Variants in FAAH2 observed in about 807,000 individuals in gnomAD.
FAAH2 encodes the protein fatty-acid amide hydrolase 2.
Under a neutral mutation model 36.9 loss-of-function variants are expected in FAAH2, and 60 were observed. The ratio of observed to expected loss-of-function variants is 1.63; its 90% CI spans 1.32 to 2.02. The LOEUF (loss-of-function observed/expected upper bound fraction) is 2.02. Ranked by LOEUF, FAAH2 falls within the 30% of genes most tolerant of loss-of-function variation. The pLI is 0.00. For synonymous variants in FAAH2, 214 were observed against 143.8 expected (o/e 1.49, Z -3.49); for missense variants, 689 against 397.5 (o/e 1.73, Z -6.23).
intron 10 of FAAH2, among the ~76,000 whole-genome samples, chrX:57,468,709 C>A (rs746119487): frequency 9.0e-6 from 1 of 111,410 alleles, no homozygotes; most frequent in Non-Finnish European, 1.9e-5. Context: ...CCCAATCTAG[C>A]AAGGTAGGCC....
chrX:57,293,382 G>T (rs2052042573), intron 2 of FAAH2, among the ~76,000 whole-genome samples: 1 of 112,061 alleles, frequency 8.9e-6, no homozygotes, highest in Non-Finnish European at 1.9e-5. Context: ...ATATTTTAAT[G>T]AAATATAAGT....
At position 57,488,913 on chromosome X, in the gene FAAH2, T is replaced by G. The variant is rs745474180; in HGVS notation, c.1580T>G (p.Val527Gly). ...QYLEKTFGGWVCPGKF is the reference protein window; with the variant it reads ...QYLEKTFGGWGCPGKF ...TTGGAGAAAACTTTTGGGGGCTGGG[T>G]CTGTCCAGGAAAGTTTTAGGAGGAC... The change falls in exon 11 of 11, where the codon GTC (valine) becomes GGC (glycine). Residue 527 changes from valine (V) to glycine (G), a missense_variant. Coordinates refer to ENST00000374900, the MANE Select transcript of FAAH2 (RefSeq NM_174912.4). 8.3e-7 allele frequency: 1 copy of G among 1,210,430 alleles called. No individual in the cohort carries two copies. Among genetic ancestry groups the G allele is most frequent in the South Asian group, 1.8e-5 (1 of 56,779 alleles).
intron 5 of FAAH2, among the ~76,000 whole-genome samples, chrX:57,343,827 C>T (rs1320119460): frequency 9.0e-6 from 1 of 111,632 alleles, no homozygotes; most frequent in African/African-American, 3.3e-5. Context: ...TATTTTTCTG[C>T]ATATGGCTGG....
chrX:57,393,371 G>A (rs1296709938), intron 7 of FAAH2: 77 of 729,214 alleles, frequency 1.1e-4, no homozygotes, highest in South Asian at 3.4e-4. Context: ...CACCACGTGA[G>A]GGTGGAGACC....
chrX:57,481,204 G>A (rs1442094131), intron 10 of FAAH2, among the ~76,000 whole-genome samples: 1 of 110,628 alleles, frequency 9.0e-6, no homozygotes, highest in Non-Finnish European at 1.9e-5. Context: ...TTAGCTCAGA[G>A]GAGTTTGTTA....
At chrX:57,328,735 C>G (rs756795913) in intron 3 of FAAH2, among the ~76,000 whole-genome samples, 14 of 111,391 alleles carry the variant, frequency 1.3e-4, no homozygotes, top group Non-Finnish European at 2.3e-4. Context: ...GAGAGTTTTT[C>G]TTTTATTCTA....
At chrX:57,308,814 C>T (rs982607571) in intron 2 of FAAH2, among the ~76,000 whole-genome samples, 2 of 111,478 alleles carry the variant, frequency 1.8e-5, no homozygotes, top group African/African-American at 6.5e-5. Flanking sequence ...CCAATGCATT[C>T]TCACTACCAC....
At chrX:57,156,067 C>T in the FAAH2 span, among the ~76,000 whole-genome samples, 9 of 111,912 alleles carry the variant, frequency 8.0e-5, no homozygotes, top group Admixed American at 9.5e-5. Context: ...ACTTCCTTCT[C>T]ATATTTCATT....
At chrX:57,292,645 C>T in intron 2 of FAAH2, 65 bp downstream of exon 2, 1 of 909,721 alleles carries the variant, frequency 1.1e-6, no homozygotes, top group Non-Finnish European at 1.6e-6. Context: ...TGTGGTCATG[C>T]CACCTTAGCA....
the FAAH2 span, among the ~76,000 whole-genome samples, chrX:57,128,661 G>A: frequency 9.0e-6 from 1 of 111,393 alleles, no homozygotes; most frequent in Non-Finnish European, 1.9e-5. Context: ...CAGGAAAAAG[G>A]ACCAACAAAT....
chrX:57,371,272 C>T (rs986465074), intron 5 of FAAH2, among the ~76,000 whole-genome samples: 11 of 111,105 alleles, frequency 9.9e-5, no homozygotes, highest in Non-Finnish European at 1.7e-4. Flanking sequence ...TTATAGTCTC[C>T]TGTGTCTATT....
the FAAH2 span, among the ~76,000 whole-genome samples, chrX:57,164,319 C>T: frequency 8.9e-6 from 1 of 112,176 alleles, no homozygotes; most frequent in South Asian, 3.7e-4. Context: ...ATTCTTTCTG[C>T]ATCACCTTAA....
chrX:57,328,885 TC>T (rs986422386), intron 3 of FAAH2, among the ~76,000 whole-genome samples: 1 of 111,290 alleles, frequency 9.0e-6, no homozygotes, highest in African/African-American at 3.3e-5. Flanking sequence ...TGGTATGAGG[TC>T]CCCACTTTCT....
At chrX:57,292,660 T>G (rs2057328591) in intron 2 of FAAH2, 80 bp downstream of exon 2, 3 of 779,491 alleles carry the variant, frequency 3.8e-6, no homozygotes, top group Non-Finnish European at 5.6e-6. Flanking sequence ...TTAGCATATT[T>G]CCTAGATTCT....
At chrX:57,165,624 G>C in the FAAH2 span, among the ~76,000 whole-genome samples, 1 of 110,692 alleles carries the variant, frequency 9.0e-6, no homozygotes, top group Non-Finnish European at 1.9e-5. Flanking sequence ...GCACCAGCAT[G>C]GCACATGTAT....
At chrX:57,461,793 A>T (rs187087849) in intron 10 of FAAH2, among the ~76,000 whole-genome samples, 1 of 110,396 alleles carries the variant, frequency 9.1e-6, no homozygotes, top group African/African-American at 3.3e-5. Context: ...ACACAAAATA[A>T]GATCAGAGCA....
chrX:57,400,258 C>T (rs2055398830), intron 7 of FAAH2, among the ~76,000 whole-genome samples: 2 of 111,617 alleles, frequency 1.8e-5, no homozygotes, highest in African/African-American at 3.3e-5. Context: ...AAGATCTCTT[C>T]CCTGTGTCAT....
chrX:57,449,654 C>CCTTCCTTCCTTCCTTG (rs1358856466), intron 10 of FAAH2, among the ~76,000 whole-genome samples: 1 of 110,863 alleles, frequency 9.0e-6, no homozygotes, highest in Non-Finnish European at 1.9e-5. Flanking sequence ...TCCTGTCCTT[C>CCTTCCTTCCTTCCTTG]CTTCCTTCCT....
the FAAH2 span, among the ~76,000 whole-genome samples, chrX:57,191,234 G>T: frequency 1.8e-5 from 2 of 111,886 alleles, no homozygotes; most frequent in Admixed American, 1.9e-4. Flanking sequence ...TTTCTCTGAA[G>T]ATTAATGATG....
Sources: allele counts gnomAD v4.1 joint callset (sites outside exome capture counted in the v4.1 genomes callset), GRCh38; gene constraint gnomAD v4.1.1; transcripts MANE v1.5; gene names NCBI Gene and HGNC (gene_info 2026-07-23, HGNC 2026-07-21).